CD38: variants seen among roughly 807,000 people sequenced by gnomAD.
CD38 encodes ADP-ribosyl cyclase/cyclic ADP-ribose hydrolase 1.
In CD38, 31 loss-of-function variants were observed where a neutral mutation model predicts 36.3. The observed-to-expected ratio is 0.85, with a 90% CI of 0.64 to 1.15. The LOEUF (loss-of-function observed/expected upper bound fraction) is 1.15, where lower values mean the gene tolerates loss of function less well. Among genes scored for constraint, CD38 ranks in the 50% most tolerant of loss-of-function variants. The pLI is 0.00. For synonymous variants in CD38, 131 were observed against 135.2 expected, an observed-to-expected ratio of 0.97 and a Z score of 0.22; for missense variants, 380 against 371.9, an observed-to-expected ratio of 1.02 and a Z score of -0.18.
rs765332308 is a variant in CD38, at chr4:15,834,325, C to T, written c.585+23C>T. The T allele has an allele frequency of 6.0e-6, 9 of 1,489,942 alleles. No homozygotes were observed. In the South Asian group the frequency reaches 9.0e-5, roughly 15 times the overall value. The allele number at this position is 1,489,942 out of a possible 1,614,324, so 92.3% of individuals were successfully genotyped here. ...AGGGTAAGTACCAAGTAGTGAAATT[C>T]TAGAGCTTTGGAGACCACAGAACTT... On this transcript the variant is annotated intron_variant, in intron 4 of 7. Transcript: ENST00000226279.
At chr4:15,834,176 C>G in intron 3 of CD38, 41 bp from the exon 4 acceptor site, 1 of 1,299,764 alleles carries the variant, frequency 7.7e-7, no homozygotes, top group Non-Finnish European at 1.1e-6. Flanking sequence ...TATTTATACT[C>G]TCTGTTTTCC....
intron 3 of CD38, chr4:15,825,907 G>C (rs1723835214): frequency 6.6e-6 from 1 of 152,014 alleles, no homozygotes; most frequent in Non-Finnish European, 1.5e-5. Flanking sequence ...CACCTCACCA[G>C]GGGAAGGGAT....
intron 1 of CD38, among the ~76,000 whole-genome samples, chr4:15,809,836 C>G (rs976306688): frequency 1.3e-5 from 2 of 152,194 alleles, no homozygotes; most frequent in African/African-American, 4.8e-5. Context: ...TCTGCTCCTT[C>G]TTTAGTTGGA....
At chr4:15,780,095 A>G (rs1577628042) in intron 1 of CD38, among the ~76,000 whole-genome samples, 1 of 152,256 alleles carries the variant, frequency 6.6e-6, no homozygotes, top group Non-Finnish European at 1.5e-5. Context: ...TGCAATGAAA[A>G]TCTTCATACA....
At position 15,838,102 on chromosome 4, in the gene CD38, C is replaced by G; in HGVS notation, c.596C>G (p.Ala199Gly). Residue 199 changes from alanine (A) to glycine (G), a missense_variant, in exon 5 of 8, where the codon GCT (alanine) becomes GGT (glycine). By Grantham distance (60) the Ala-to-Gly change is moderately conservative. Coordinates refer to ENST00000226279, the MANE Select transcript of CD38 (RefSeq NM_001775.4). ...WKTVSRRFAE[A>G]ACDVVHVMLN... Reference sequence around the variant, plus strand: ...ATTTTTTTTTTTAAGTTTGCAGAAGCTGCCTGTGATGTGGTCCATGTGATG... The same window carrying G: ...ATTTTTTTTTTTAAGTTTGCAGAAGGTGCCTGTGATGTGGTCCATGTGATG... 1.2e-6 allele frequency: 2 copies of G among 1,612,762 alleles called. No individual in the cohort carries two copies. Among genetic ancestry groups the G allele is most frequent in the Non-Finnish European group, 1.7e-6 (2 of 1,179,344 alleles).
chr4:15,786,555 G>A (rs561032723), intron 1 of CD38, among the ~76,000 whole-genome samples: 1 of 152,178 alleles, frequency 6.6e-6, no homozygotes, highest in Non-Finnish European at 1.5e-5. Context: ...GTGCTGATTG[G>A]TCCGTTTACA....
At chr4:15,788,082 T>G (rs1302269130) in intron 1 of CD38, among the ~76,000 whole-genome samples, 1 of 152,224 alleles carries the variant, frequency 6.6e-6, no homozygotes, top group Non-Finnish European at 1.5e-5. Context: ...GGTCTTCTTC[T>G]TTCCCTATCG....
chr4:15,794,500 G>A (rs1048067937), intron 1 of CD38, among the ~76,000 whole-genome samples: 4 of 152,092 alleles, frequency 2.6e-5, no homozygotes, highest in Non-Finnish European at 5.9e-5. Flanking sequence ...AGAAAGAGGG[G>A]GTATAATCAG....
intron 6 of CD38, 88 bp from the exon 7 acceptor site, chr4:15,840,364 C>G: frequency 1.1e-6 from 1 of 888,526 alleles, no homozygotes. Context: ...ATCCAAGGGC[C>G]TTGTCCAGGG....
At chr4:15,833,418 T>C (rs1723997350) in intron 3 of CD38, among the ~76,000 whole-genome samples, 1 of 152,252 alleles carries the variant, frequency 6.6e-6, no homozygotes. Flanking sequence ...TTATGAAATG[T>C]ATGTCCATTC....
At chr4:15,794,655 G>A (rs1723071716) in intron 1 of CD38, among the ~76,000 whole-genome samples, 1 of 152,050 alleles carries the variant, frequency 6.6e-6, no homozygotes, top group Admixed American at 6.5e-5. Context: ...AGAAGAGAGA[G>A]GAATTAGAGA....
At chr4:15,808,634 T>A (rs1164526501) in intron 1 of CD38, among the ~76,000 whole-genome samples, 1 of 152,236 alleles carries the variant, frequency 6.6e-6, no homozygotes, top group Non-Finnish European at 1.5e-5. Context: ...TGTGGGGTGA[T>A]TTCTCCTAGT....
At position 15,848,844 on chromosome 4, in the gene CD38, T is replaced by C; in HGVS notation, c.*242T>C. On this transcript the variant is annotated 3_prime_UTR_variant, in exon 8 of 8. Transcript: ENST00000226279. Reference sequence around the variant, plus strand: ...GTATAAGATTAGAATGAAAATTGTATGTTAAGTTACTTCACTTTAATTCTC... The same window carrying C: ...GTATAAGATTAGAATGAAAATTGTACGTTAAGTTACTTCACTTTAATTCTC... 1 of 353,808 alleles carries C rather than the reference T, an allele frequency of 2.8e-6. No individual in the cohort carries two copies. Among genetic ancestry groups the C allele is most frequent in the Non-Finnish European group, 5.1e-6 (1 of 195,796 alleles). 21.9% of individuals were successfully genotyped at this position (353,808 alleles called of 1,614,324 possible).
intron 3 of CD38, among the ~76,000 whole-genome samples, chr4:15,833,934 A>G (rs958457698): frequency 1.6e-4 from 25 of 152,220 alleles, no homozygotes; most frequent in African/African-American, 6.0e-4. Context: ...ATAATCCTAG[A>G]GGGCTTGTCT....
intron 5 of CD38, 59 bp from the exon 6 acceptor site, chr4:15,839,967 G>C (rs1724165354): frequency 9.1e-7 from 1 of 1,097,528 alleles, no homozygotes; most frequent in Admixed American, 1.7e-5. Context: ...TTGTTGAGGG[G>C]GGTGTGGATG....
At chr4:15,798,061 T>C (rs1723138660) in intron 1 of CD38, among the ~76,000 whole-genome samples, 1 of 152,220 alleles carries the variant, frequency 6.6e-6, no homozygotes, top group Admixed American at 6.5e-5. Flanking sequence ...TATTGTAAAT[T>C]TTAAACAAAT....
At chr4:15,834,502 A>G (rs1162774280) in intron 4 of CD38, among the ~76,000 whole-genome samples, 200 bp downstream of exon 4, 1 of 152,230 alleles carries the variant, frequency 6.6e-6, no homozygotes, top group Non-Finnish European at 1.5e-5. Flanking sequence ...TAGAGGGTCC[A>G]TGGGCTCCAG....
Position 15,851,050 on chromosome 4 carries a change from G to A in CD38, c.*2448G>A, listed in dbSNP as rs1474006667. On this transcript the variant is annotated 3_prime_UTR_variant, in exon 8 of 8. Transcript: ENST00000226279. Reference sequence around the variant, plus strand: ...TAGGAAGACTCATTTGAGTGTTCAAGTTCAGAGCCAGTGGAGACCTTAGGG... The same window carrying A: ...TAGGAAGACTCATTTGAGTGTTCAAATTCAGAGCCAGTGGAGACCTTAGGG... 1.3e-5 allele frequency: 2 copies of A among 152,210 alleles called. No individual in the cohort carries two copies. The highest frequency in any genetic ancestry group is 2.9e-5 in the Non-Finnish European group (2 of 68,046). 9.4% of individuals were successfully genotyped at this position (152,210 alleles called of 1,614,324 possible).
At chr4:15,819,049 A>C (rs1162457745) in intron 2 of CD38, among the ~76,000 whole-genome samples, 1 of 152,144 alleles carries the variant, frequency 6.6e-6, no homozygotes, top group Non-Finnish European at 1.5e-5. Context: ...ATATGGATGA[A>C]GCTGGAAACC....
Sources: gnomAD v4.1 joint callset for allele counts (sites outside exome capture counted in the v4.1 genomes callset) on GRCh38, gnomAD v4.1.1 for gene constraint, MANE v1.5 for transcripts, NCBI Gene and HGNC (gene_info 2026-07-23, HGNC 2026-07-21) for gene names.